TENM1: variants seen among roughly 807,000 people sequenced by gnomAD.
TENM1 encodes teneurin transmembrane protein 1.
Under a neutral mutation model 174.8 loss-of-function variants are expected in TENM1, and 35 were observed. That is an observed-to-expected ratio of 0.20 (90% CI 0.15 to 0.27). The LOEUF is 0.27. Ranked by LOEUF, TENM1 falls within the 10% of genes least tolerant of loss-of-function variation. The probability of loss-of-function intolerance (pLI) is 1.00; values close to 1 mark genes in which losing one functional copy is unlikely to be tolerated. For missense variants in TENM1, 1,633 were observed against 2,130.1 expected, an observed-to-expected ratio of 0.77 and a Z score of 4.59; for synonymous variants, 781 against 798.7, an observed-to-expected ratio of 0.98 and a Z score of 0.37.
chrX:125,127,803 A>C, the TENM1 span, among the ~76,000 whole-genome samples: 1 of 110,742 alleles, frequency 9.0e-6, no homozygotes, highest in Non-Finnish European at 1.9e-5. Flanking sequence ...CTAGTCCTTG[A>C]CCTTCCAATT....
At chrX:124,512,937 G>A (rs2047616119) in intron 18 of TENM1, among the ~76,000 whole-genome samples, 1 of 111,842 alleles carries the variant, frequency 8.9e-6, no homozygotes, top group Admixed American at 9.5e-5. Context: ...ATATTTAACT[G>A]GCATGGGAGG....
At chrX:124,398,903 C>T (rs2060368826) in intron 27 of TENM1, among the ~76,000 whole-genome samples, 2 of 112,058 alleles carry the variant, frequency 1.8e-5, no homozygotes, top group Admixed American at 1.9e-4. Flanking sequence ...TGATAGATTT[C>T]TAGAAAAGTT....
At chrX:125,149,789 T>C in the TENM1 span, among the ~76,000 whole-genome samples, 1 of 111,419 alleles carries the variant, frequency 9.0e-6, no homozygotes, top group Non-Finnish European at 1.9e-5. Flanking sequence ...AAAGAAAAAA[T>C]AAAATTAAGT....
intron 28 of TENM1, among the ~76,000 whole-genome samples, chrX:124,389,664 T>C (rs1029069542): frequency 2.7e-5 from 3 of 110,396 alleles, no homozygotes; most frequent in African/African-American, 9.9e-5. Context: ...TCTTCTGCTC[T>C]TTCTTGTTTT....
chrX:125,007,666 C>T, the TENM1 span, among the ~76,000 whole-genome samples: 1 of 111,612 alleles, frequency 9.0e-6, no homozygotes, highest in Admixed American at 9.5e-5. Context: ...AAGGGAAGCC[C>T]ATCAGAATAA....
At chrX:125,179,270 G>A in the TENM1 span, among the ~76,000 whole-genome samples, 1 of 110,722 alleles carries the variant, frequency 9.0e-6, no homozygotes, top group Non-Finnish European at 1.9e-5. Context: ...GAAGCTAGTA[G>A]TACAAAAGTA....
chrX:124,638,109 G>C lies in TENM1; in HGVS notation c.2077+3682C>G, dbSNP rs1215454916. On this transcript the variant is annotated intron_variant, in intron 11 of 31. Transcript: ENST00000422452. ...TTCCCTCATCATTTCATTTGTTTTGGTGGGTAAGGGTTGTTTGGGGTGAGA... is the reference window on the plus strand; with the variant it reads ...TTCCCTCATCATTTCATTTGTTTTGCTGGGTAAGGGTTGTTTGGGGTGAGA... Among the ~76,000 whole-genome samples, 3 of 111,295 alleles carry C rather than the reference G, an allele frequency of 2.7e-5. No individual in the cohort carries two copies. The East Asian group carries it at 8.5e-4, about 31-fold the overall frequency.
At chrX:125,010,410 C>A in the TENM1 span, among the ~76,000 whole-genome samples, 4 of 110,128 alleles carry the variant, frequency 3.6e-5, no homozygotes, top group Non-Finnish European at 7.6e-5. Flanking sequence ...ATTCCATTCT[C>A]AGGGATAGGA....
the TENM1 span, among the ~76,000 whole-genome samples, chrX:125,060,181 TCACACA>T: frequency 3.3e-4 from 31 of 93,791 alleles, no homozygotes; most frequent in African/African-American, 3.4e-4. Flanking sequence ...TCTCTCTCTC[TCACACA>T]CACACACACA....
intron 3 of TENM1, among the ~76,000 whole-genome samples, chrX:124,754,488 T>A (rs1253074087): frequency 1.8e-5 from 2 of 111,547 alleles, no homozygotes; most frequent in African/African-American, 6.5e-5. Context: ...TCTATTTCCT[T>A]CAGTTCTGCT....
chrX:124,480,255 A>T (rs1337926530), intron 22 of TENM1, among the ~76,000 whole-genome samples: 1 of 112,003 alleles, frequency 8.9e-6, no homozygotes, highest in African/African-American at 3.2e-5. Context: ...TCAAGTGCTA[A>T]TTGTGTAGTG....
At chrX:124,817,694 C>G (rs1328221250) in intron 3 of TENM1, among the ~76,000 whole-genome samples, 1 of 111,860 alleles carries the variant, frequency 8.9e-6, no homozygotes, top group South Asian at 3.7e-4. Flanking sequence ...TGCTTCAAAG[C>G]CTTCGCTTTC....
At chrX:124,529,930 A>G in exon 16 of TENM1, 1 of 1,210,485 alleles carries the variant, frequency 8.3e-7, no homozygotes, top group East Asian at 3.0e-5. Flanking sequence ...ATTCACTCCC[A>G]CTAGAGGAGT....
At chrX:124,723,467 C>T (rs1569413100) in intron 4 of TENM1, among the ~76,000 whole-genome samples, 1 of 111,163 alleles carries the variant, frequency 9.0e-6, no homozygotes, top group Non-Finnish European at 1.9e-5. Context: ...TGGTTTTTGG[C>T]TTTCTTTTAG....
intron 23 of TENM1, among the ~76,000 whole-genome samples, chrX:124,438,970 T>A (rs1928578983): frequency 8.9e-6 from 1 of 111,970 alleles, no homozygotes; most frequent in Admixed American, 9.5e-5. Context: ...TTGTTAAATT[T>A]GGTTTTTTTT....
chrX:124,695,014 G>C, intron 5 of TENM1, among the ~76,000 whole-genome samples: 1 of 112,033 alleles, frequency 8.9e-6, no homozygotes, highest in Non-Finnish European at 1.9e-5. Flanking sequence ...TCCTGATAAA[G>C]TGCAAATTAC....
the TENM1 span, among the ~76,000 whole-genome samples, chrX:125,102,600 C>T: frequency 8.9e-6 from 1 of 112,019 alleles, no homozygotes; most frequent in Non-Finnish European, 1.9e-5. Flanking sequence ...GCTAAGCTAA[C>T]TGCAAAAACA....
intron 15 of TENM1, among the ~76,000 whole-genome samples, chrX:124,536,145 A>C (rs987419810): frequency 2.7e-5 from 3 of 111,271 alleles, no homozygotes; most frequent in African/African-American, 9.8e-5. Flanking sequence ...TAATATCCAG[A>C]TATTTTGGGG....
chrX:125,088,489 TCC>T, the TENM1 span, among the ~76,000 whole-genome samples: 2 of 111,238 alleles, frequency 1.8e-5, no homozygotes, highest in African/African-American at 6.5e-5. Context: ...TAGGGGAAAC[TCC>T]ATGGAATGGA....
Sources: gnomAD v4.1 joint callset for allele counts (sites outside exome capture counted in the v4.1 genomes callset) on GRCh38, gnomAD v4.1.1 for gene constraint, MANE v1.5 for transcripts, NCBI Gene and HGNC (gene_info 2026-07-23, HGNC 2026-07-21) for gene names.